Variants in PSIP1 observed in about 807,000 individuals in gnomAD.
PSIP1 encodes the protein PC4 and SRSF1 interacting protein 1, also known as PC4 and SFRS1-interacting protein.
A neutral mutation model predicts 74.7 loss-of-function variants in PSIP1; 19 were observed. That is an observed-to-expected ratio of 0.25 (90% CI 0.18 to 0.37). PSIP1 has a LOEUF of 0.37. PSIP1 is among the 10% of genes least tolerant of loss of function. The pLI, the probability that PSIP1 is intolerant of heterozygous loss-of-function variation, is 1.00. For missense variants in PSIP1, 601 were observed against 614.3 expected (o/e 0.98, Z 0.23); for synonymous variants, 222 against 195.3 (o/e 1.14, Z -1.14).
intron 4 of PSIP1, among the ~76,000 whole-genome samples, chr9:15,487,869 G>A (rs376560306): frequency 6.6e-6 from 1 of 152,128 alleles, no homozygotes; most frequent in Non-Finnish European, 1.5e-5. Flanking sequence ...GATATGGTTC[G>A]ATGAATCCAT....
chr9:15,472,500 T>A, intron 10 of PSIP1, 132 bp downstream of exon 10: 1 of 1,429,184 alleles, frequency 7.0e-7, no homozygotes, highest in Non-Finnish European at 9.1e-7. Context: ...ATATTGAAGA[T>A]TTTTCTAACA....
Position 15,474,206 on chromosome 9 carries a change from C to A in PSIP1, c.661G>T (p.Gly221Trp), listed in dbSNP as rs760896619. The change falls in exon 9 of 16, where the codon GGG (glycine) becomes TGG (tryptophan). Residue 221 changes from glycine (G) to tryptophan (W), a missense_variant. Coordinates refer to ENST00000380733, the MANE Select transcript of PSIP1 (RefSeq NM_033222.5). ...ITEEDKSKKK[G>W]QEEKQPKKQP... Reference sequence around the variant, plus strand: ...TTTTTAGGTTGTTTTTCCTCTTGCCCCTTTTTCTTACTTTTGTCCTCTTCA... The same window carrying A: ...TTTTTAGGTTGTTTTTCCTCTTGCCACTTTTTCTTACTTTTGTCCTCTTCA... 1 of 1,612,434 alleles carries A rather than the reference C, an allele frequency of 6.2e-7. No homozygotes were observed. The highest frequency in any genetic ancestry group is 1.1e-5 in the South Asian group (1 of 90,718).
At chr9:15,503,449 G>C (rs2037437841) in intron 3 of PSIP1, among the ~76,000 whole-genome samples, 1 of 152,018 alleles carries the variant, frequency 6.6e-6, no homozygotes, top group South Asian at 2.1e-4. Context: ...TTGAAACCAG[G>C]CGTTGGAGAC....
At chr9:15,471,128 A>G in intron 10 of PSIP1, 2 of 1,602,484 alleles carry the variant, frequency 1.2e-6, no homozygotes, top group Non-Finnish European at 1.7e-6. Context: ...CAAGATCTTC[A>G]TCTCTTGTTT....
rs1563870358 is a variant in PSIP1, at chr9:15,473,917, AAAAAAAAAACAAAAAAAAAAC to A, written c.858+71_858+91del. On this transcript the variant is annotated intron_variant, in intron 9 of 15. Coordinates refer to ENST00000380733, the MANE Select transcript of PSIP1 (RefSeq NM_033222.5). ...CTCCATCTCAAACAAAAAAAAAACA[AAAAAAAAAACAAAAAAAAAAC>A]AAAGAAAAAACAAAAAATATATATA... The A allele has an allele frequency of 3.9e-5, 33 of 848,436 alleles. No individual in the cohort carries two copies. In the African/African-American group the frequency reaches 5.2e-4, roughly 13 times the overall value. 52.6% of individuals were successfully genotyped at this position (848,436 alleles called of 1,614,324 possible).
chr9:15,485,030 G>T (rs898270549), intron 6 of PSIP1, among the ~76,000 whole-genome samples: 4 of 152,110 alleles, frequency 2.6e-5, no homozygotes, highest in African/African-American at 9.7e-5. Context: ...GTTGCAGTGA[G>T]GCATGATTGT....
chr9:15,469,437 T>A (rs894016097), intron 11 of PSIP1, 101 bp from the exon 12 acceptor site: 1 of 667,724 alleles, frequency 1.5e-6, no homozygotes, highest in African/African-American at 1.8e-5. Flanking sequence ...AAAAAAAAAA[T>A]GTTCTTAGTA....
Position 15,510,255 on chromosome 9 carries a change from G to A in PSIP1, c.-67C>T. The A allele has an allele frequency of 6.7e-7, 1 of 1,481,728 alleles. No homozygotes were observed. 91.8% of individuals were successfully genotyped at this position (1,481,728 alleles called of 1,614,324 possible). A position where few individuals can be genotyped will look rare whatever the true frequency, so the allele number is the denominator to read the frequency against. On this transcript the variant is annotated 5_prime_UTR_variant, in exon 2 of 16. Coordinates refer to ENST00000380733, the MANE Select transcript of PSIP1 (RefSeq NM_033222.5). Reference sequence around the variant, plus strand: ...CGAGGAGATGCGGCGGCGCGGGGATGCGGGCGGCGGACGCGGGCCCAGCTA... The same window carrying A: ...CGAGGAGATGCGGCGGCGCGGGGATACGGGCGGCGGACGCGGGCCCAGCTA...
chr9:15,489,249 G>C (rs926666333), intron 4 of PSIP1: 1 of 152,116 alleles, frequency 6.6e-6, no homozygotes, highest in Non-Finnish European at 1.5e-5. Flanking sequence ...GCATAGTGCT[G>C]TAAGTACATT....
At chr9:15,494,727 T>G (rs2036996796) in intron 3 of PSIP1, among the ~76,000 whole-genome samples, 2 of 152,178 alleles carry the variant, frequency 1.3e-5, no homozygotes, top group Admixed American at 1.3e-4. Context: ...ATGCTAGGAT[T>G]AAGGCAAACC....
intron 4 of PSIP1, among the ~76,000 whole-genome samples, chr9:15,488,884 G>A (rs1298534159): frequency 1.3e-5 from 2 of 151,924 alleles, no homozygotes; most frequent in South Asian, 2.1e-4. Flanking sequence ...AGCCGGGTGT[G>A]GTGGCGGGCA....
chr9:15,508,054 T>TA (rs1379809959), intron 2 of PSIP1, among the ~76,000 whole-genome samples: 1 of 152,218 alleles, frequency 6.6e-6, no homozygotes. Flanking sequence ...TTTATGCAAA[T>TA]ACCTAGCACC....
intron 3 of PSIP1, among the ~76,000 whole-genome samples, chr9:15,499,185 T>C (rs950942542): frequency 6.6e-6 from 1 of 152,212 alleles, no homozygotes; most frequent in Admixed American, 6.5e-5. Flanking sequence ...AAAGAGGTTT[T>C]GGACTTTCCT....
rs1201227127 is a variant in PSIP1 at position 15,464,904 on chromosome 9, T to C, written c.*616A>G. 4.7e-6 allele frequency: 1 copy of C among 213,186 alleles called. No homozygotes were observed. The highest frequency in any genetic ancestry group is 9.5e-6 in the Non-Finnish European group (1 of 105,430). 13.2% of individuals were successfully genotyped at this position (213,186 alleles called of 1,614,324 possible). ...AGTTTGTAGAATTCTCAGTTCCATGTCAGTTGCTTAATTAGTTGTCATACC... is the reference window on the plus strand; with the variant it reads ...AGTTTGTAGAATTCTCAGTTCCATGCCAGTTGCTTAATTAGTTGTCATACC... On this transcript the variant is annotated 3_prime_UTR_variant, in exon 16 of 16. Coordinates refer to ENST00000380733, the MANE Select transcript of PSIP1 (RefSeq NM_033222.5).
At chr9:15,504,826 A>G (rs2037510868) in intron 3 of PSIP1, 1 of 152,186 alleles carries the variant, frequency 6.6e-6, no homozygotes, top group African/African-American at 2.4e-5. Flanking sequence ...AATGCTAAGG[A>G]ATGTCCACTC....
chr9:15,492,535 T>C (rs1280209961), intron 3 of PSIP1, among the ~76,000 whole-genome samples: 1 of 152,182 alleles, frequency 6.6e-6, no homozygotes, highest in African/African-American at 2.4e-5. Flanking sequence ...TCCAGGTGCA[T>C]GGTGCAAGCT....
intron 13 of PSIP1, 27 bp from the exon 14 acceptor site, chr9:15,468,870 A>T: frequency 1.9e-6 from 3 of 1,605,106 alleles, no homozygotes; most frequent in Non-Finnish European, 1.7e-6. Context: ...CATTCATCAT[A>T]ATTGTTTTCC....
chr9:15,469,766 G>C (rs764704965), intron 11 of PSIP1, among the ~76,000 whole-genome samples, 172 bp downstream of exon 11: 2 of 152,078 alleles, frequency 1.3e-5, no homozygotes, highest in Non-Finnish European at 2.9e-5. Flanking sequence ...AAGTTCACTT[G>C]ATTATGCTTA....
intron 10 of PSIP1, chr9:15,471,368 G>T: frequency 6.5e-7 from 1 of 1,549,154 alleles, no homozygotes; most frequent in Non-Finnish European, 8.8e-7. Flanking sequence ...ACAAATATTA[G>T]AATTTGAGAA....
Sources: allele counts gnomAD v4.1 joint callset (sites outside exome capture counted in the v4.1 genomes callset), GRCh38; gene constraint gnomAD v4.1.1; transcripts MANE v1.5; gene names NCBI Gene and HGNC (gene_info 2026-07-23, HGNC 2026-07-21).